The following CLIP1 variants were observed in gnomAD, a reference collection of about 807,000 sequenced individuals.
The protein encoded by CLIP1 is CAP-Gly domain containing linker protein 1.
CLIP1 carries 66 observed loss-of-function variants against 161.6 expected under a neutral mutation model. The ratio of observed to expected loss-of-function variants is 0.41; its 90% CI spans 0.33 to 0.50. The LOEUF (loss-of-function observed/expected upper bound fraction) is 0.50, where lower values mean the gene tolerates loss of function less well. CLIP1 is among the 20% of genes least tolerant of loss of function. The pLI, the probability that CLIP1 is intolerant of heterozygous loss-of-function variation, is 0.27. For synonymous variants in CLIP1, 598 were observed against 626.2 expected, an observed-to-expected ratio of 0.96 and a Z score of 0.67; for missense variants, 1,376 against 1,702.0, an observed-to-expected ratio of 0.81 and a Z score of 3.37.
chr12:122,285,974 T>G (rs1218507947), intron 21 of CLIP1, among the ~76,000 whole-genome samples: 1 of 151,990 alleles, frequency 6.6e-6, no homozygotes, highest in Non-Finnish European at 1.5e-5. Context: ...AAACTAGGCA[T>G]CACTTTTCAA....
chr12:122,356,751 C>A (rs1953394972), intron 5 of CLIP1, among the ~76,000 whole-genome samples: 1 of 141,914 alleles, frequency 7.0e-6, no homozygotes, highest in African/African-American at 2.5e-5. Flanking sequence ...GATTCTCCTG[C>A]CTCAGCCTGC....
intron 7 of CLIP1, among the ~76,000 whole-genome samples, chr12:122,354,215 T>C (rs1182581418): frequency 6.6e-6 from 1 of 151,704 alleles, no homozygotes; most frequent in African/African-American, 2.4e-5. Flanking sequence ...GGCAACATGG[T>C]GAAACTCCAT....
At chr12:122,372,383 C>T (rs1415680238) in intron 3 of CLIP1, among the ~76,000 whole-genome samples, 1 of 151,480 alleles carries the variant, frequency 6.6e-6, no homozygotes, top group Non-Finnish European at 1.5e-5. Flanking sequence ...CCATTGCACT[C>T]CAGCCTGGGC....
chr12:122,352,630 G>A, intron 8 of CLIP1, 96 bp downstream of exon 8: 1 of 1,114,516 alleles, frequency 9.0e-7, no homozygotes, highest in Non-Finnish European at 1.4e-6. Flanking sequence ...TCCTCAGCTG[G>A]CTGTTCTGGC....
At chr12:122,285,574 A>C (rs1955815722) in intron 21 of CLIP1, among the ~76,000 whole-genome samples, 1 of 149,830 alleles carries the variant, frequency 6.7e-6, no homozygotes, top group Non-Finnish European at 1.5e-5. Flanking sequence ...TCTGACCTCA[A>C]GTGATCCACC....
At chr12:122,407,366 A>G (rs563504197) in intron 1 of CLIP1, among the ~76,000 whole-genome samples, 3 of 152,284 alleles carry the variant, frequency 2.0e-5, no homozygotes, top group East Asian at 3.9e-4. Flanking sequence ...AAATGTTTCT[A>G]AATTATTATA....
chr12:122,297,363 G>A (rs749719119), intron 20 of CLIP1, among the ~76,000 whole-genome samples: 15 of 152,138 alleles, frequency 9.9e-5, no homozygotes, highest in South Asian at 8.3e-4. Flanking sequence ...GAGGAGAAGC[G>A]CCTCTCTGTT....
intron 10 of CLIP1, 195 bp from the exon 11 acceptor site, chr12:122,341,892 T>G: frequency 2.6e-6 from 1 of 381,692 alleles, no homozygotes; most frequent in Non-Finnish European, 4.6e-6. Flanking sequence ...CAGGCGATTC[T>G]CCTGCCTCAG....
intron 4 of CLIP1, among the ~76,000 whole-genome samples, chr12:122,362,474 C>G (rs1027383983): frequency 3.3e-5 from 5 of 149,932 alleles, no homozygotes; most frequent in African/African-American, 1.2e-4. Flanking sequence ...AACCCAGTCT[C>G]TACTAAAAAT....
Position 122,377,631 on chromosome 12 carries a change from T to C in CLIP1, c.415A>G (p.Thr139Ala), listed in dbSNP as rs1161006123. The change falls in exon 3 of 26, where the codon ACA becomes GCA. Residue 139 changes from threonine (T) to alanine (A), a missense_variant. By Grantham distance (58) the Thr-to-Ala change is moderately conservative. Transcript: ENST00000620786. ...QAEDEANGLQ[T>A]TPASRATSPL... ...GAAGTAGCTCGGGAGGCGGGCGTTG[T>C]CTGCAGGCCATTAGCTTCATCTTCT... 1.9e-6 allele frequency: 3 copies of C among 1,613,880 alleles called. No individual in the cohort carries two copies. Among genetic ancestry groups the C allele is most frequent in the Non-Finnish European group, 2.5e-6 (3 of 1,179,992 alleles).
intron 21 of CLIP1, among the ~76,000 whole-genome samples, chr12:122,281,516 C>T (rs1010646923): frequency 1.2e-4 from 18 of 151,726 alleles, no homozygotes; most frequent in African/African-American, 3.1e-4. Flanking sequence ...GTGAGACCCC[C>T]GTCTCTACAG....
intron 9 of CLIP1, among the ~76,000 whole-genome samples, chr12:122,349,308 T>C (rs1300056397): frequency 2.0e-5 from 3 of 152,246 alleles, no homozygotes; most frequent in Non-Finnish European, 2.9e-5. Flanking sequence ...CAAATACACA[T>C]TTAATGTGAT....
intron 18 of CLIP1, among the ~76,000 whole-genome samples, chr12:122,318,227 C>A (rs1353863883): frequency 3.3e-5 from 5 of 152,136 alleles, no homozygotes; most frequent in African/African-American, 7.2e-5. Flanking sequence ...AATGTCTTAC[C>A]TGCCTATTAC....
intron 3 of CLIP1, among the ~76,000 whole-genome samples, chr12:122,376,672 G>A (rs745858535): frequency 4.6e-5 from 7 of 151,246 alleles, no homozygotes; most frequent in African/African-American, 9.7e-5. Flanking sequence ...GGGTTTCACC[G>A]CATTAGCCAG....
Position 122,355,411 on chromosome 12 carries a change from G to A in CLIP1, c.1006-99C>T. 2 of 1,082,230 alleles carry A rather than the reference G, an allele frequency of 1.8e-6. No homozygotes were observed. Among genetic ancestry groups the A allele is most frequent in the Non-Finnish European group, 2.7e-6 (2 of 737,126 alleles). The allele number at this position is 1,082,230 out of a possible 1,614,324, so 67.0% of individuals were successfully genotyped here. A position where few individuals can be genotyped will look rare whatever the true frequency, so the allele number is the denominator to read the frequency against. On this transcript the variant is annotated intron_variant, in intron 5 of 25. Transcript: ENST00000620786. The surrounding 1 kb of genome is among the most constrained non-coding windows in gnomAD (Gnocchi z 4.1). ...GCGGGCATCTGCTCGGCAAAGCAAG[G>A]GCGCTGCTCCAGCTGGCAGGCTGGC...
chr12:122,362,468 C>T (rs1224443246), intron 4 of CLIP1, among the ~76,000 whole-genome samples: 3 of 149,592 alleles, frequency 2.0e-5, no homozygotes, highest in African/African-American at 7.3e-5. Context: ...TGGTGAAACC[C>T]AGTCTCTACT....
intron 1 of CLIP1, chr12:122,396,651 C>G (rs1178127553): frequency 1.3e-5 from 2 of 152,156 alleles, no homozygotes; most frequent in Non-Finnish European, 2.9e-5. Flanking sequence ...ACAGACTCTA[C>G]TGAGCTGCTT....
intron 20 of CLIP1, among the ~76,000 whole-genome samples, chr12:122,298,781 C>T (rs1330947268): frequency 6.6e-6 from 1 of 151,768 alleles, no homozygotes; most frequent in Non-Finnish European, 1.5e-5. Flanking sequence ...ATAGCAAAAC[C>T]CTGTCTCTAC....
At chr12:122,320,118 C>T (rs1361647883) in intron 17 of CLIP1, among the ~76,000 whole-genome samples, 1 of 151,808 alleles carries the variant, frequency 6.6e-6, no homozygotes, top group Non-Finnish European at 1.5e-5. Flanking sequence ...AATAAAAATA[C>T]AAAAAACTAG....
Sources: allele counts gnomAD v4.1 joint callset (sites outside exome capture counted in the v4.1 genomes callset), GRCh38; gene constraint gnomAD v4.1.1; non-coding constraint Gnocchi (gnomAD v3.1); transcripts MANE v1.5; gene names NCBI Gene and HGNC (gene_info 2026-07-23, HGNC 2026-07-21).